Variants in SCAMP5 observed in about 807,000 individuals in gnomAD.
SCAMP5 encodes the protein secretory carrier-associated membrane protein 5.
SCAMP5 carries 7 observed loss-of-function variants against 28.3 expected under a neutral mutation model. The ratio of observed to expected loss-of-function variants is 0.25; its 90% CI spans 0.14 to 0.46. The LOEUF (loss-of-function observed/expected upper bound fraction) is 0.46, where lower values mean the gene tolerates loss of function less well. Ranked by LOEUF, SCAMP5 falls within the 20% of genes least tolerant of loss-of-function variation. The probability of loss-of-function intolerance (pLI) is 0.99; values close to 1 mark genes in which losing one functional copy is unlikely to be tolerated. For synonymous variants in SCAMP5, 117 were observed against 116.4 expected, an observed-to-expected ratio of 1.00 and a Z score of -0.03; for missense variants, 192 against 312.5, an observed-to-expected ratio of 0.61 and a Z score of 2.91.
intron 2 of SCAMP5, 132 bp downstream of exon 2, chr15:75,011,978 C>T: frequency 1.5e-6 from 1 of 650,862 alleles, no homozygotes; most frequent in East Asian, 2.8e-5. Context: ...CCCAAGCTTT[C>T]CCCACTCTCT....
At chr15:75,008,712 G>C (rs2065784228) in intron 1 of SCAMP5, among the ~76,000 whole-genome samples, 1 of 152,088 alleles carries the variant, frequency 6.6e-6, no homozygotes, top group Non-Finnish European at 1.5e-5. Context: ...ATGTTGGCCA[G>C]GCTGGTCTCA....
Position 75,018,976 on chromosome 15 carries a change from A to C in SCAMP5, c.701A>C (p.Glu234Ala). 6.6e-7 allele frequency: 1 copy of C among 1,507,064 alleles called. No individual in the cohort carries two copies. The highest frequency in any genetic ancestry group is 8.8e-7 in the Non-Finnish European group (1 of 1,134,554). 93.4% of individuals were successfully genotyped at this position (1,507,064 alleles called of 1,614,324 possible). Residue 234 changes from glutamate (E) to alanine (A), a missense_variant, in exon 7 of 7, where the codon GAG becomes GCG. Transcript: ENST00000425597. The surrounding 1 kb of genome is among the most constrained non-coding windows in gnomAD (Gnocchi z 5.6). ...ACCCCCAATTACACGTACTCCAATG[A>C]GATGTGAACCAGCCACGCCTACCAG... ...SATPNYTYSN[E>A]M is the part of the protein sequence containing the mutation.
chr15:75,004,070 A>G (rs1054396070), intron 1 of SCAMP5, among the ~76,000 whole-genome samples: 1 of 150,732 alleles, frequency 6.6e-6, no homozygotes, highest in African/African-American at 2.4e-5. Context: ...ATGCCCGGCT[A>G]ATTTTGTATT....
chr15:75,001,978 C>T (rs1000542876), intron 1 of SCAMP5, among the ~76,000 whole-genome samples: 3 of 151,268 alleles, frequency 2.0e-5, no homozygotes, highest in Middle Eastern at 3.4e-3. Context: ...TGGTGGCACG[C>T]ATCTGTAGTC....
chr15:75,016,652 G>A lies in SCAMP5; in HGVS notation c.196G>A (p.Gly66Arg). ...CTGTCTCGCGTGGCTGATCGGAGGC[G>A]GGGGAGCCACCAACTTTGGCCTCGC... Reference protein sequence around the residue: ...VGCLAWLIGGGGATNFGLAFL... With the variant: ...VGCLAWLIGGRGATNFGLAFL... The change falls in exon 4 of 7, where the codon GGG becomes AGG. Residue 66 changes from glycine (G) to arginine (R), a missense_variant. Coordinates refer to ENST00000425597, the MANE Select transcript of SCAMP5 (RefSeq NM_138967.4). The A allele has an allele frequency of 6.2e-7, 1 of 1,613,708 alleles. No individual in the cohort carries two copies.
At chr15:75,017,382 G>A (rs968332125) in intron 4 of SCAMP5, among the ~76,000 whole-genome samples, 57 of 152,134 alleles carry the variant, frequency 3.7e-4, no homozygotes, top group Non-Finnish European at 6.0e-4. Context: ...ATGCTAATGG[G>A]GCCTTAAATC....
chr15:75,005,556 TTC>T (rs755312904), intron 1 of SCAMP5, among the ~76,000 whole-genome samples: 1 of 152,222 alleles, frequency 6.6e-6, no homozygotes, highest in Non-Finnish European at 1.5e-5. Flanking sequence ...CCCTGCCAAT[TTC>T]TGTCTTTCAT....
At chr15:75,010,287 G>A (rs1049949908) in intron 1 of SCAMP5, among the ~76,000 whole-genome samples, 10 of 152,044 alleles carry the variant, frequency 6.6e-5, no homozygotes, top group South Asian at 2.1e-4. Flanking sequence ...ACAGCTGCTC[G>A]TCCTCCCCTG....
chr15:75,005,926 A>T (rs941907354), intron 1 of SCAMP5, among the ~76,000 whole-genome samples: 1 of 144,032 alleles, frequency 6.9e-6, no homozygotes, highest in Admixed American at 7.0e-5. Flanking sequence ...AGGTTTCACC[A>T]TGTTGGCCAG....
chr15:75,001,127 A>G (rs560404130), intron 1 of SCAMP5, among the ~76,000 whole-genome samples: 1 of 151,542 alleles, frequency 6.6e-6, no homozygotes, highest in Non-Finnish European at 1.5e-5. Context: ...AAACAAAATT[A>G]GCCGGGGGTG....
intron 1 of SCAMP5, among the ~76,000 whole-genome samples, chr15:75,011,459 C>T (rs769636849): frequency 5.3e-5 from 8 of 152,112 alleles, no homozygotes; most frequent in Non-Finnish European, 8.8e-5. Context: ...TGACCAAGGC[C>T]GAGGCTCAGT....
intron 1 of SCAMP5, among the ~76,000 whole-genome samples, chr15:75,010,241 G>A (rs935596032): frequency 6.6e-6 from 1 of 152,080 alleles, no homozygotes; most frequent in Non-Finnish European, 1.5e-5. Flanking sequence ...CCCTGTCCAG[G>A]TGTCCCCCAG....
At chr15:75,001,288 A>T (rs1398230537) in intron 1 of SCAMP5, among the ~76,000 whole-genome samples, 1 of 151,554 alleles carries the variant, frequency 6.6e-6, no homozygotes, top group Non-Finnish European at 1.5e-5. Flanking sequence ...AAAAAAAAAA[A>T]AAAGATTCAG....
rs114270754 is a variant in SCAMP5 at position 75,016,783 on chromosome 15, G to A, written c.293+34G>A. 1,179 of 1,571,438 alleles carry A rather than the reference G, an allele frequency of 7.5e-4. 5 individuals carry two copies. In the African/African-American group the frequency reaches 0.012, roughly 16 times the overall value. On this transcript the variant is annotated intron_variant, in intron 4 of 6. Transcript: ENST00000425597. ...TTGGTGCTATCCGCAGTGCCTAGCC[G>A]TCTCTGCCCATCTCCCCTGTCTCTT... is the stretch of plus-strand genomic sequence containing the variant.
rs773084941 is a variant in SCAMP5 at position 75,016,578 on chromosome 15, CT to C, written c.137-14del. On this transcript the variant is annotated splice_polypyrimidine_tract_variant and intron_variant, in intron 3 of 6. Transcript: ENST00000425597. ...GTGTCTGTCTCTATGTGTGCATGTG[CT>C]CCTGGGCCTGCAGTGAACAGCGTCA... 9.3e-6 allele frequency: 15 copies of C among 1,608,424 alleles called. No homozygotes were observed. The South Asian group carries it at 1.5e-4, about 17-fold the overall frequency.
At chr15:75,007,439 G>T (rs1299276996) in intron 1 of SCAMP5, 2 of 152,354 alleles carry the variant, frequency 1.3e-5, no homozygotes, top group Non-Finnish European at 2.9e-5. Flanking sequence ...CCGGGCTGGA[G>T]TGCAGTGGCG....
rs1319152573 is a variant in SCAMP5 at position 74,996,345 on chromosome 15, T to C, written c.-49+672T>C. Reference sequence around the variant, plus strand: ...GGTGAGGTGTTTGTGAACCGATCCTTGTCCTCCGCCTCGGGGAGCTCCTGG... The same window carrying C: ...GGTGAGGTGTTTGTGAACCGATCCTCGTCCTCCGCCTCGGGGAGCTCCTGG... On this transcript the variant is annotated intron_variant, in intron 1 of 6. Transcript: ENST00000425597. This position sits in a 1 kb window ranked among gnomAD's most constrained non-coding sequence, Gnocchi z 4.1. The C allele has an allele frequency of 6.6e-6, 1 of 152,368 alleles. No homozygotes were observed. Among genetic ancestry groups the C allele is most frequent in the Non-Finnish European group, 1.5e-5 (1 of 68,170 alleles). The allele number at this position is 152,368 out of a possible 1,614,324, so 9.4% of individuals were successfully genotyped here. A position where few individuals can be genotyped will look rare whatever the true frequency, so the allele number is the denominator to read the frequency against.
intron 2 of SCAMP5, 100 bp downstream of exon 2, chr15:75,011,946 A>G: frequency 9.2e-6 from 9 of 972,984 alleles, no homozygotes; most frequent in South Asian, 6.0e-5. Flanking sequence ...TTTGGAGGCC[A>G]GGTTCTTTCC....
At chr15:74,997,541 G>C (rs949431039) in intron 1 of SCAMP5, among the ~76,000 whole-genome samples, 1 of 152,224 alleles carries the variant, frequency 6.6e-6, no homozygotes, top group African/African-American at 2.4e-5. Context: ...GCGGGATGCA[G>C]AGCAGCGATT....
Sources: gnomAD v4.1 joint callset for allele counts (sites outside exome capture counted in the v4.1 genomes callset) on GRCh38, gnomAD v4.1.1 for gene constraint, Gnocchi (gnomAD v3.1) non-coding constraint, MANE v1.5 for transcripts, NCBI Gene and HGNC (gene_info 2026-07-23, HGNC 2026-07-21) for gene names.